Variants in ROBO2 observed in about 807,000 individuals in gnomAD.
The protein encoded by ROBO2 is roundabout guidance receptor 2, also known as roundabout homolog 2.
ROBO2 carries 53 observed loss-of-function variants against 160.8 expected under a neutral mutation model. The ratio of observed to expected loss-of-function variants is 0.33; its 90% CI spans 0.26 to 0.41. The LOEUF (loss-of-function observed/expected upper bound fraction) is 0.41, where lower values mean the gene tolerates loss of function less well. Ranked by LOEUF, ROBO2 falls within the 10% of genes least tolerant of loss-of-function variation. The probability of loss-of-function intolerance (pLI) is 1.00; values close to 1 mark genes in which losing one functional copy is unlikely to be tolerated. For missense variants in ROBO2, 1,577 were observed against 1,722.4 expected (o/e 0.92, Z 1.49); for synonymous variants, 664 against 611.7 (o/e 1.09, Z -1.26).
At chr3:76,281,826 C>T (rs1708248278) in intron 2 of ROBO2, among the ~76,000 whole-genome samples, 1 of 152,060 alleles carries the variant, frequency 6.6e-6, no homozygotes, top group Admixed American at 6.6e-5. Flanking sequence ...AAGATTTTTC[C>T]TGGTGCCTAT....
chr3:77,245,616 T>C (rs934426974), intron 2 of ROBO2, among the ~76,000 whole-genome samples: 1 of 152,202 alleles, frequency 6.6e-6, no homozygotes, highest in African/African-American at 2.4e-5. Context: ...CTCCAAAGGA[T>C]GAAGCTGTGT....
chr3:77,356,485 G>T (rs887201664), intron 2 of ROBO2, among the ~76,000 whole-genome samples: 2 of 152,168 alleles, frequency 1.3e-5, no homozygotes, highest in African/African-American at 4.8e-5. Flanking sequence ...GAGGATCTTA[G>T]AATTGGGTTG....
intron 2 of ROBO2, among the ~76,000 whole-genome samples, chr3:76,805,816 A>T (rs2108914419): frequency 6.6e-6 from 1 of 152,058 alleles, no homozygotes; most frequent in African/African-American, 2.4e-5. Context: ...ACAGCTCCAA[A>T]CATAGCCATT....
chr3:76,325,385 G>C (rs756908204), intron 2 of ROBO2, among the ~76,000 whole-genome samples: 8 of 152,150 alleles, frequency 5.3e-5, no homozygotes, highest in Non-Finnish European at 1.2e-4. Context: ...TAAGTTAATA[G>C]AGCATAAATA....
intron 2 of ROBO2, among the ~76,000 whole-genome samples, chr3:76,315,978 A>G (rs1204530423): frequency 6.6e-6 from 1 of 152,174 alleles, no homozygotes; most frequent in East Asian, 1.9e-4. Flanking sequence ...TGGTAGGTCC[A>G]TGATGCCCCC....
At chr3:76,654,366 A>G (rs1490330137) in intron 2 of ROBO2, among the ~76,000 whole-genome samples, 3 of 152,186 alleles carry the variant, frequency 2.0e-5, no homozygotes, top group Admixed American at 6.6e-5. Context: ...AAATGATGAA[A>G]AAAACCTTCT....
chr3:75,984,372 A>T (rs676433), intron 2 of ROBO2, among the ~76,000 whole-genome samples: 8,045 of 151,524 alleles, frequency 0.053, 324 homozygotes, highest in Non-Finnish European at 0.076. Flanking sequence ...AACACAGAGT[A>T]ATATTTATTC....
chr3:77,628,454 G>A (rs1001050481), intron 23 of ROBO2, among the ~76,000 whole-genome samples: 1 of 146,450 alleles, frequency 6.8e-6, no homozygotes, highest in African/African-American at 2.5e-5. Flanking sequence ...TTGTGGGGGG[G>A]GGGTAATTGT....
At chr3:77,216,571 G>A (rs2084986181) in intron 2 of ROBO2, among the ~76,000 whole-genome samples, 1 of 152,100 alleles carries the variant, frequency 6.6e-6, no homozygotes, top group Admixed American at 6.6e-5. Context: ...TCAGTGCACT[G>A]CACTCACTGT....
intron 2 of ROBO2, among the ~76,000 whole-genome samples, chr3:76,933,002 G>A (rs776923109): frequency 6.6e-6 from 1 of 151,926 alleles, no homozygotes; most frequent in Non-Finnish European, 1.5e-5. Context: ...TTGCTTGTTA[G>A]GATGAGGATA....
chr3:77,341,441 C>T (rs1343226084), intron 2 of ROBO2, among the ~76,000 whole-genome samples: 3 of 152,072 alleles, frequency 2.0e-5, no homozygotes, highest in Admixed American at 1.3e-4. Context: ...ATTTTAAGCC[C>T]TACAACATTC....
chr3:76,556,848 A>T (rs1294229403), intron 2 of ROBO2, among the ~76,000 whole-genome samples: 1 of 152,092 alleles, frequency 6.6e-6, no homozygotes, highest in Non-Finnish European at 1.5e-5. Context: ...CAACAGCCTG[A>T]CCTAACCAAC....
chr3:77,303,351 A>G (rs919769798), intron 2 of ROBO2, among the ~76,000 whole-genome samples: 2 of 152,196 alleles, frequency 1.3e-5, no homozygotes, highest in Non-Finnish European at 2.9e-5. Flanking sequence ...AAGCCGTACG[A>G]TAAACTATGG....
intron 1 of ROBO2, among the ~76,000 whole-genome samples, chr3:77,085,990 A>G (rs2069251749): frequency 1.3e-5 from 2 of 152,098 alleles, no homozygotes; most frequent in South Asian, 4.1e-4. Context: ...ATAATGGAAA[A>G]GCAACCAAAA....
chr3:76,480,931 G>A (rs1256293707), intron 2 of ROBO2, among the ~76,000 whole-genome samples: 1 of 152,036 alleles, frequency 6.6e-6, no homozygotes, highest in Non-Finnish European at 1.5e-5. Context: ...TTGATTCAGG[G>A]GATATGGCAA....
intron 2 of ROBO2, among the ~76,000 whole-genome samples, chr3:76,524,631 C>A (rs1292654909): frequency 6.6e-6 from 1 of 151,064 alleles, no homozygotes; most frequent in Non-Finnish European, 1.5e-5. Flanking sequence ...GAGTTGATTT[C>A]TCTTATCCTT....
At chr3:77,522,584 A>G (rs2090716205) in intron 5 of ROBO2, among the ~76,000 whole-genome samples, 191 bp from the exon 6 acceptor site, 1 of 151,350 alleles carries the variant, frequency 6.6e-6, no homozygotes, top group Non-Finnish European at 1.5e-5. Context: ...AAACAGCTAA[A>G]GATCAGATAT....
At chr3:76,058,589 CTTT>C (rs10676074) in intron 2 of ROBO2, among the ~76,000 whole-genome samples, 18 of 48,854 alleles carry the variant, frequency 3.7e-4, no homozygotes, top group East Asian at 6.5e-4. Flanking sequence ...ACAGCAGAAA[CTTT>C]TTTTTTTTTT....
At chr3:76,285,307 A>G (rs1473493260) in intron 2 of ROBO2, among the ~76,000 whole-genome samples, 1 of 152,150 alleles carries the variant, frequency 6.6e-6, no homozygotes, top group African/African-American at 2.4e-5. Context: ...GCAAACAACT[A>G]GTTATAAGCT....
Sources: allele counts gnomAD v4.1 joint callset (sites outside exome capture counted in the v4.1 genomes callset), GRCh38; gene constraint gnomAD v4.1.1; transcripts MANE v1.5; gene names NCBI Gene and HGNC (gene_info 2026-07-23, HGNC 2026-07-21).